Variants in PLXDC2 observed in about 807,000 individuals in gnomAD.
PLXDC2 encodes plexin domain containing 2.
In PLXDC2, 40 loss-of-function variants were observed where a neutral mutation model predicts 68.9. The observed-to-expected ratio is 0.58, with a 90% CI of 0.45 to 0.76. The LOEUF (loss-of-function observed/expected upper bound fraction) is 0.76, where lower values mean the gene tolerates loss of function less well. Ranked by LOEUF, PLXDC2 falls within the 30% of genes least tolerant of loss-of-function variation. The probability of loss-of-function intolerance (pLI) is 0.00; values close to 1 mark genes in which losing one functional copy is unlikely to be tolerated. For synonymous variants in PLXDC2, 243 were observed against 234.2 expected, an observed-to-expected ratio of 1.04 and a Z score of -0.34; for missense variants, 644 against 661.9, an observed-to-expected ratio of 0.97 and a Z score of 0.30.
At chr10:19,909,387 T>C (rs1023876322) in intron 1 of PLXDC2, among the ~76,000 whole-genome samples, 22 of 152,180 alleles carry the variant, frequency 1.4e-4, no homozygotes, top group African/African-American at 4.8e-4. Flanking sequence ...CACCTCAGCA[T>C]TGCATTATCC....
chr10:20,036,838 T>C (rs1835586372), intron 2 of PLXDC2, among the ~76,000 whole-genome samples: 2 of 152,200 alleles, frequency 1.3e-5, no homozygotes, highest in Admixed American at 6.5e-5. Context: ...AACACATTTG[T>C]GAATTTCGCC....
intron 9 of PLXDC2, among the ~76,000 whole-genome samples, chr10:20,177,812 G>A (rs1343883969): frequency 6.6e-6 from 1 of 152,094 alleles, no homozygotes; most frequent in African/African-American, 2.4e-5. Flanking sequence ...GTATGCATTA[G>A]CAATATTGTA....
intron 1 of PLXDC2, among the ~76,000 whole-genome samples, chr10:19,983,002 T>C (rs899366717): frequency 9.2e-5 from 14 of 152,210 alleles, no homozygotes; most frequent in African/African-American, 2.9e-4. Context: ...TAATCATCTA[T>C]TATCAATGTT....
At chr10:20,040,200 G>T (rs146784459) in intron 2 of PLXDC2, among the ~76,000 whole-genome samples, 1 of 152,082 alleles carries the variant, frequency 6.6e-6, no homozygotes, top group South Asian at 2.1e-4. Context: ...CTGAGGCAGC[G>T]ACTGGATTCC....
chr10:20,002,588 A>T (rs1442797490), intron 2 of PLXDC2, among the ~76,000 whole-genome samples: 1 of 152,108 alleles, frequency 6.6e-6, no homozygotes, highest in Non-Finnish European at 1.5e-5. Context: ...TGCCATAAGC[A>T]AATCATCCCA....
chr10:19,997,326 T>C (rs1834860407), intron 1 of PLXDC2, among the ~76,000 whole-genome samples: 1 of 152,234 alleles, frequency 6.6e-6, no homozygotes, highest in African/African-American at 2.4e-5. Context: ...TAGCCAAATA[T>C]TTTCATCTAG....
intron 2 of PLXDC2, among the ~76,000 whole-genome samples, chr10:20,033,325 A>G (rs1305556960): frequency 6.6e-6 from 1 of 152,170 alleles, no homozygotes; most frequent in Non-Finnish European, 1.5e-5. Flanking sequence ...CTAATTCAAT[A>G]TTCTTGATAC....
chr10:20,221,442 A>G (rs1251607262), intron 12 of PLXDC2, among the ~76,000 whole-genome samples: 2 of 152,328 alleles, frequency 1.3e-5, no homozygotes, highest in South Asian at 2.1e-4. Flanking sequence ...GAATTCCAAA[A>G]TATCACAATT....
At chr10:19,972,137 C>T (rs970992756) in intron 1 of PLXDC2, among the ~76,000 whole-genome samples, 4 of 152,108 alleles carry the variant, frequency 2.6e-5, no homozygotes, top group Non-Finnish European at 5.9e-5. Context: ...ATCCTGTGGA[C>T]AATTTAGAGC....
chr10:19,930,957 C>G (rs1833620535), intron 1 of PLXDC2, among the ~76,000 whole-genome samples: 1 of 151,826 alleles, frequency 6.6e-6, no homozygotes, highest in Non-Finnish European at 1.5e-5. Context: ...GAGAGAGACT[C>G]CGCTGAAAAG....
chr10:19,838,252 C>T (rs745894994), intron 1 of PLXDC2, among the ~76,000 whole-genome samples: 2 of 152,194 alleles, frequency 1.3e-5, no homozygotes, highest in Admixed American at 1.3e-4. Flanking sequence ...TGTGAACCAC[C>T]ATGCCCGGCT....
intron 2 of PLXDC2, among the ~76,000 whole-genome samples, chr10:20,036,965 A>C (rs1210500358): frequency 6.6e-6 from 1 of 152,208 alleles, no homozygotes; most frequent in Non-Finnish European, 1.5e-5. Flanking sequence ...ACATGCTTTT[A>C]TCTCTTTTAG....
intron 1 of PLXDC2, among the ~76,000 whole-genome samples, chr10:19,821,164 C>G (rs773506435): frequency 1.3e-5 from 2 of 152,190 alleles, no homozygotes; most frequent in Non-Finnish European, 2.9e-5. Flanking sequence ...AATACAGTCT[C>G]TTCTCCATGG....
At chr10:19,878,221 A>G (rs956900612) in intron 1 of PLXDC2, among the ~76,000 whole-genome samples, 1 of 151,398 alleles carries the variant, frequency 6.6e-6, no homozygotes, top group African/African-American at 2.4e-5. Flanking sequence ...TTTTTTAAAG[A>G]GATAGAGTCT....
intron 9 of PLXDC2, among the ~76,000 whole-genome samples, chr10:20,205,582 A>G (rs948238053): frequency 6.6e-6 from 1 of 152,146 alleles, no homozygotes; most frequent in Non-Finnish European, 1.5e-5. Context: ...TATGGTACAT[A>G]TAATTAACTC....
intron 1 of PLXDC2, among the ~76,000 whole-genome samples, chr10:19,970,344 A>G (rs914870600): frequency 1.3e-5 from 2 of 152,216 alleles, no homozygotes; most frequent in African/African-American, 4.8e-5. Flanking sequence ...GAATGTTTTT[A>G]AAGTTTAAAA....
At chr10:19,825,916 T>G (rs1227911847) in intron 1 of PLXDC2, among the ~76,000 whole-genome samples, 1 of 152,204 alleles carries the variant, frequency 6.6e-6, no homozygotes, top group Non-Finnish European at 1.5e-5. Flanking sequence ...TGGGCATAGC[T>G]GGCGGGAGCA....
intron 1 of PLXDC2, among the ~76,000 whole-genome samples, chr10:19,998,413 C>T (rs1834875978): frequency 6.6e-6 from 1 of 152,140 alleles, no homozygotes; most frequent in African/African-American, 2.4e-5. Context: ...CAGTTTCATA[C>T]TTTTCAGTCT....
chr10:19,911,965 C>T (rs1376096130), intron 1 of PLXDC2, among the ~76,000 whole-genome samples: 5 of 152,132 alleles, frequency 3.3e-5, no homozygotes, highest in Non-Finnish European at 7.4e-5. Flanking sequence ...CAAAATATTT[C>T]CCTGAAGCTA....
Sources: allele counts gnomAD v4.1 joint callset (sites outside exome capture counted in the v4.1 genomes callset), GRCh38; gene constraint gnomAD v4.1.1; transcripts MANE v1.5; gene names NCBI Gene and HGNC (gene_info 2026-07-23, HGNC 2026-07-21).